The following BNC2 variants were observed in gnomAD, a reference collection of about 807,000 sequenced individuals.
BNC2 encodes the protein zinc finger protein basonuclin-2.
Under a neutral mutation model 76.3 loss-of-function variants are expected in BNC2, and 20 were observed. That is an observed-to-expected ratio of 0.26 (90% confidence interval 0.18 to 0.38). The LOEUF (loss-of-function observed/expected upper bound fraction) is 0.38, where lower values mean the gene tolerates loss of function less well. Ranked by LOEUF, BNC2 falls within the 10% of genes least tolerant of loss-of-function variation. The pLI, the probability that BNC2 is intolerant of heterozygous loss-of-function variation, is 1.00. For missense variants in BNC2, 1,382 were observed against 1,399.8 expected (o/e 0.99, Z 0.20); for synonymous variants, 582 against 514.8 (o/e 1.13, Z -1.77).
At chr9:16,697,726 A>C (rs1185910605) in intron 3 of BNC2, among the ~76,000 whole-genome samples, 1 of 152,118 alleles carries the variant, frequency 6.6e-6, no homozygotes, top group East Asian at 1.9e-4. Flanking sequence ...TTTCCAAAAA[A>C]AAAAAAAAAG....
chr9:16,845,644 T>G (rs554434951), intron 1 of BNC2, among the ~76,000 whole-genome samples: 2 of 151,176 alleles, frequency 1.3e-5, no homozygotes, highest in African/African-American at 4.9e-5. Flanking sequence ...TGGCGTGAAC[T>G]TGAGAGGCGG....
At chr9:16,837,715 C>G (rs1228345249) in intron 1 of BNC2, among the ~76,000 whole-genome samples, 1 of 152,166 alleles carries the variant, frequency 6.6e-6, no homozygotes, top group Non-Finnish European at 1.5e-5. Flanking sequence ...GTATATAAGA[C>G]AGGTATTCTT....
intron 1 of BNC2, among the ~76,000 whole-genome samples, chr9:16,848,302 T>G (rs1819039461): frequency 6.6e-6 from 1 of 152,130 alleles, no homozygotes; most frequent in Non-Finnish European, 1.5e-5. Context: ...ATCGATGAAG[T>G]CAGGTGTAGT....
intron 5 of BNC2, among the ~76,000 whole-genome samples, chr9:16,496,234 AAAAAC>A (rs1051005637): frequency 3.9e-5 from 6 of 152,162 alleles, no homozygotes; most frequent in Non-Finnish European, 5.9e-5. Flanking sequence ...TTAAAAACAA[AAAAAC>A]AAAACAAAAC....
chr9:16,752,234 T>C (rs1825239957), intron 1 of BNC2, among the ~76,000 whole-genome samples: 1 of 152,230 alleles, frequency 6.6e-6, no homozygotes, highest in Admixed American at 6.5e-5. Flanking sequence ...GTTTTACCAG[T>C]GCTTGAACAT....
chr9:16,521,620 A>G (rs975940423), intron 5 of BNC2, among the ~76,000 whole-genome samples: 1 of 152,100 alleles, frequency 6.6e-6, no homozygotes, highest in Non-Finnish European at 1.5e-5. Flanking sequence ...AATTCTTTCT[A>G]TGTGTGTGCC....
intron 5 of BNC2, among the ~76,000 whole-genome samples, chr9:16,509,419 G>A (rs1037055017): frequency 6.6e-6 from 1 of 152,186 alleles, no homozygotes; most frequent in Admixed American, 6.5e-5. Flanking sequence ...TTGGGAGTAA[G>A]GACCTTGCAC....
At chr9:16,790,455 T>TTTTA (rs940275128) in intron 1 of BNC2, among the ~76,000 whole-genome samples, 11 of 152,186 alleles carry the variant, frequency 7.2e-5, no homozygotes, top group African/African-American at 2.7e-4. Context: ...CTGAGAATTG[T>TTTTA]TTTATTTATT....
intron 4 of BNC2, among the ~76,000 whole-genome samples, chr9:16,567,051 G>A (rs946435760): frequency 6.6e-6 from 1 of 152,162 alleles, no homozygotes; most frequent in Non-Finnish European, 1.5e-5. Context: ...GCCTAAACTG[G>A]CAATTTTATG....
intron 1 of BNC2, among the ~76,000 whole-genome samples, chr9:16,836,047 G>A (rs772298216): frequency 6.6e-6 from 1 of 152,124 alleles, no homozygotes; most frequent in Non-Finnish European, 1.5e-5. Context: ...GTTATAACAC[G>A]AGGTAGTGAG....
At chr9:16,582,502 C>T (rs944920537) in intron 4 of BNC2, among the ~76,000 whole-genome samples, 13 of 152,118 alleles carry the variant, frequency 8.5e-5, no homozygotes, top group African/African-American at 2.4e-4. Flanking sequence ...ATAATGTTCC[C>T]GTTCACTCTC....
intron 3 of BNC2, among the ~76,000 whole-genome samples, chr9:16,644,478 AAAAT>A (rs1404875484): frequency 3.3e-5 from 5 of 152,174 alleles, no homozygotes; most frequent in African/African-American, 1.2e-4. Context: ...TTAATAGAAA[AAAAT>A]AAATCAACTC....
At chr9:16,435,115 A>G in intron 6 of BNC2, 1 of 471,258 alleles carries the variant, frequency 2.1e-6, no homozygotes. Flanking sequence ...TTGGATAAAT[A>G]TGTGTGTATG....
At chr9:16,575,350 C>G (rs1436289789) in intron 4 of BNC2, 1 of 985,276 alleles carries the variant, frequency 1.0e-6, no homozygotes, top group African/African-American at 1.7e-5. Context: ...CCAGCAGTGA[C>G]TACACTGGAG....
intron 1 of BNC2, among the ~76,000 whole-genome samples, chr9:16,741,971 A>AAG (rs1392993419): frequency 1.3e-5 from 2 of 151,352 alleles, no homozygotes; most frequent in African/African-American, 4.8e-5. Context: ...AAAAAAAAAA[A>AAG]AAAAAAAAGA....
chr9:16,423,560 G>C (rs939085121), intron 6 of BNC2, among the ~76,000 whole-genome samples: 1 of 152,160 alleles, frequency 6.6e-6, no homozygotes, highest in Non-Finnish European at 1.5e-5. Flanking sequence ...TTTGCACAGA[G>C]GAGGTACTTA....
intron 1 of BNC2, among the ~76,000 whole-genome samples, chr9:16,782,533 C>G (rs1173354929): frequency 6.6e-6 from 1 of 152,054 alleles, no homozygotes; most frequent in Non-Finnish European, 1.5e-5. Flanking sequence ...TGGACTTTTA[C>G]CAATGTTGTT....
At chr9:16,639,401 C>T (rs965521131) in intron 3 of BNC2, among the ~76,000 whole-genome samples, 23 of 152,128 alleles carry the variant, frequency 1.5e-4, no homozygotes, top group Non-Finnish European at 2.9e-5. Flanking sequence ...TTTCTGTAGA[C>T]ATAGGTCTAA....
chr9:16,433,122 T>C (rs1019847867), intron 6 of BNC2, among the ~76,000 whole-genome samples: 4 of 152,208 alleles, frequency 2.6e-5, no homozygotes, highest in Non-Finnish European at 5.9e-5. Flanking sequence ...GCTAAACTCA[T>C]AACATTATAT....
Sources: gnomAD v4.1 joint callset for allele counts (sites outside exome capture counted in the v4.1 genomes callset) on GRCh38, gnomAD v4.1.1 for gene constraint, MANE v1.5 for transcripts, NCBI Gene and HGNC (gene_info 2026-07-23, HGNC 2026-07-21) for gene names.